C19orf47: variants seen among roughly 807,000 people sequenced by gnomAD.
The protein encoded by C19orf47 is chromosome 19 open reading frame 47.
A neutral mutation model predicts 32.3 loss-of-function variants in C19orf47; 18 were observed. The observed-to-expected ratio is 0.56, with a 90% CI of 0.39 to 0.83. C19orf47 has a LOEUF of 0.83. Among genes scored for constraint, C19orf47 ranks in the 40% least tolerant of loss-of-function variants. C19orf47 has a pLI of 0.00. For synonymous variants in C19orf47, 202 were observed against 211.1 expected, an observed-to-expected ratio of 0.96 and a Z score of 0.37; for missense variants, 484 against 531.6, an observed-to-expected ratio of 0.91 and a Z score of 0.88.
intron 1 of C19orf47, chr19:40,342,439 TCAAA>T (rs372557590): frequency 5.6e-4 from 86 of 153,236 alleles, no homozygotes; most frequent in Admixed American, 1.3e-3. Flanking sequence ...TGACTAGTCT[TCAAA>T]CAAACAAACA....
downstream of C19orf47, among the ~76,000 whole-genome samples, chr19:40,315,703 C>T (rs2077657406): frequency 6.6e-6 from 1 of 151,966 alleles, no homozygotes; most frequent in African/African-American, 2.4e-5. Context: ...TTGCTTGAAC[C>T]CGGCAGACGC....
chr19:40,296,261 G>GTAA, the C19orf47 span, among the ~76,000 whole-genome samples: 1 of 149,974 alleles, frequency 6.7e-6, no homozygotes, highest in African/African-American at 2.5e-5. Flanking sequence ...GAAGGCAATT[G>GTAA]TAACACAATG....
At chr19:40,315,866 T>C (rs1415253005), downstream of C19orf47, among the ~76,000 whole-genome samples, 1 of 151,314 alleles carries the variant, frequency 6.6e-6, no homozygotes. Flanking sequence ...GCTGAGGCAA[T>C]AGGATCACTT....
At chr19:40,314,698 A>AT (rs2077650973), downstream of C19orf47, among the ~76,000 whole-genome samples, 1 of 151,670 alleles carries the variant, frequency 6.6e-6, no homozygotes, top group Non-Finnish European at 1.5e-5. Flanking sequence ...TGGAGCATAA[A>AT]CCCCCCAACT....
chr19:40,319,180 G>A (rs535277030), downstream of C19orf47, among the ~76,000 whole-genome samples: 65 of 151,946 alleles, frequency 4.3e-4, no homozygotes, highest in Middle Eastern at 6.8e-3. Flanking sequence ...TGAGGCAGGA[G>A]AATAGCTGGA....
At chr19:40,309,018 T>C in the C19orf47 span, among the ~76,000 whole-genome samples, 1 of 152,144 alleles carries the variant, frequency 6.6e-6, no homozygotes, top group Non-Finnish European at 1.5e-5. Flanking sequence ...GCTGTGATCA[T>C]GCCACTGCAC....
At chr19:40,312,752 T>C in the C19orf47 span, among the ~76,000 whole-genome samples, 1 of 152,234 alleles carries the variant, frequency 6.6e-6, no homozygotes, top group South Asian at 2.1e-4. Context: ...GACACCAACC[T>C]CAGCCAACAT....
chr19:40,310,730 AC>A, the C19orf47 span, among the ~76,000 whole-genome samples: 1 of 152,184 alleles, frequency 6.6e-6, no homozygotes, highest in Non-Finnish European at 1.5e-5. Flanking sequence ...TAGATATGTA[AC>A]CATCTGAGTA....
chr19:40,335,606 A>G (rs2078046874), intron 4 of C19orf47, among the ~76,000 whole-genome samples: 1 of 151,254 alleles, frequency 6.6e-6, no homozygotes. Context: ...CCACCATTCA[A>G]GATTTTTTTT....
intron 1 of C19orf47, among the ~76,000 whole-genome samples, chr19:40,346,089 G>C (rs1485380404): frequency 1.3e-5 from 2 of 150,932 alleles, no homozygotes; most frequent in Non-Finnish European, 2.9e-5. Flanking sequence ...CCAGGAGGCA[G>C]AGGTTGCAGT....
the C19orf47 span, among the ~76,000 whole-genome samples, chr19:40,314,401 T>C: frequency 6.6e-6 from 1 of 152,158 alleles, no homozygotes; most frequent in South Asian, 2.1e-4. Flanking sequence ...CACTCCAGCC[T>C]GGGCAACAAG....
chr19:40,299,962 G>C, the C19orf47 span, among the ~76,000 whole-genome samples: 2 of 152,162 alleles, frequency 1.3e-5, no homozygotes, highest in Admixed American at 1.3e-4. Context: ...CCAGGGGGCG[G>C]AGGTTGCAGA....
At chr19:40,340,300 G>C (rs1216578938) in intron 2 of C19orf47, among the ~76,000 whole-genome samples, 1 of 152,032 alleles carries the variant, frequency 6.6e-6, no homozygotes, top group Non-Finnish European at 1.5e-5. Flanking sequence ...TACCTTTAGA[G>C]TCTCTACTCA....
intron 4 of C19orf47, among the ~76,000 whole-genome samples, chr19:40,335,516 C>A (rs905240828): frequency 6.6e-6 from 1 of 152,074 alleles, no homozygotes; most frequent in Non-Finnish European, 1.5e-5. Flanking sequence ...GAGACCGAGG[C>A]AGGAGGATGG....
At chr19:40,335,969 C>T in intron 4 of C19orf47, 141 bp downstream of exon 4, 1 of 687,528 alleles carries the variant, frequency 1.5e-6, no homozygotes, top group Non-Finnish European at 2.5e-6. Flanking sequence ...GCAATGTGCC[C>T]AGCGTCACAC....
chr19:40,294,780 C>T, the C19orf47 span, among the ~76,000 whole-genome samples: 2 of 152,210 alleles, frequency 1.3e-5, no homozygotes, highest in African/African-American at 4.8e-5. Flanking sequence ...GGCTGGAAGC[C>T]CACGATGCAG....
Position 40,320,805 on chromosome 19 carries a change from G to A in C19orf47, c.*1077C>T, listed in dbSNP as rs1305775481. 1 of 152,518 alleles carries A rather than the reference G, an allele frequency of 6.6e-6. No individual in the cohort carries two copies. The highest frequency in any genetic ancestry group is 2.4e-5 in the African/African-American group (1 of 41,454). 9.4% of individuals were successfully genotyped at this position (152,518 alleles called of 1,614,324 possible). A position where few individuals can be genotyped will look rare whatever the true frequency, so the allele number is the denominator to read the frequency against. Reference sequence around the variant, plus strand: ...CCCATCATTTGGAAAGGTGCCAGCAGGCAGGTGAAATCCATGGGGGGAGGG... The same window carrying A: ...CCCATCATTTGGAAAGGTGCCAGCAAGCAGGTGAAATCCATGGGGGGAGGG... On this transcript the variant is annotated 3_prime_UTR_variant, in exon 9 of 9. Coordinates refer to ENST00000683109, the MANE Select transcript of C19orf47 (RefSeq NM_001256441.2).
At chr19:40,295,321 A>T in the C19orf47 span, among the ~76,000 whole-genome samples, 1 of 151,806 alleles carries the variant, frequency 6.6e-6, no homozygotes, top group Non-Finnish European at 1.5e-5. Context: ...TGCCCGGCCT[A>T]AACAGCTGTC....
chr19:40,308,576 G>A, the C19orf47 span, among the ~76,000 whole-genome samples: 10 of 151,702 alleles, frequency 6.6e-5, no homozygotes, highest in Non-Finnish European at 1.3e-4. Flanking sequence ...CAATTCTCAT[G>A]CCTCAGCCTC....
Sources: allele counts gnomAD v4.1 joint callset (sites outside exome capture counted in the v4.1 genomes callset), GRCh38; gene constraint gnomAD v4.1.1; transcripts MANE v1.5; gene names NCBI Gene and HGNC (gene_info 2026-07-23, HGNC 2026-07-21).